NFX1: variants seen among roughly 807,000 people sequenced by gnomAD.
NFX1 encodes transcriptional repressor NF-X1.
NFX1 carries 69 observed loss-of-function variants against 137.2 expected under a neutral mutation model. That is an observed-to-expected ratio of 0.50 (90% CI 0.41 to 0.61). The LOEUF is 0.61. Among genes scored for constraint, NFX1 ranks in the 20% least tolerant of loss-of-function variants. The pLI is 0.00. For missense variants in NFX1, 1,167 were observed against 1,391.0 expected, an observed-to-expected ratio of 0.84 and a Z score of 2.56; for synonymous variants, 495 against 474.1, an observed-to-expected ratio of 1.04 and a Z score of -0.57.
In NFX1 at chr9:33,370,710, A is replaced by T. The variant is rs1397612440; in HGVS notation, c.*732A>T. 1 of 152,216 alleles carries T rather than the reference A, an allele frequency of 6.6e-6. No homozygotes were observed. Among genetic ancestry groups the T allele is most frequent in the Non-Finnish European group, 1.5e-5 (1 of 68,056 alleles). 9.4% of individuals were successfully genotyped at this position (152,216 alleles called of 1,614,324 possible). A position where few individuals can be genotyped will look rare whatever the true frequency, so the allele number is the denominator to read the frequency against. On this transcript the variant is annotated 3_prime_UTR_variant, in exon 24 of 24. Transcript: ENST00000379540. ...ACAATCAGTTTGGCCGTCCCCCATG[A>T]TGGTAGGAAATATAGAGAGCAAGTT... is the stretch of plus-strand genomic sequence containing the variant.
chr9:33,369,338 C>T (rs1304289441), intron 23 of NFX1, among the ~76,000 whole-genome samples: 1 of 152,206 alleles, frequency 6.6e-6, no homozygotes, highest in Non-Finnish European at 1.5e-5. Context: ...GCTGAGATTA[C>T]AGGCGTGAGC....
chr9:33,309,720 T>C (rs1821895339), intron 5 of NFX1, among the ~76,000 whole-genome samples: 1 of 152,220 alleles, frequency 6.6e-6, no homozygotes, highest in African/African-American at 2.4e-5. Flanking sequence ...CTTGAACTCC[T>C]GGGCTCAAGC....
At chr9:33,342,688 T>A in intron 12 of NFX1, 58 bp from the exon 13 acceptor site, 1 of 1,172,742 alleles carries the variant, frequency 8.5e-7, no homozygotes, top group Non-Finnish European at 1.2e-6. Flanking sequence ...TTGTTGTTAT[T>A]TATGGAAAAT....
In NFX1 at chr9:33,307,440, G is replaced by T. The variant is rs145501352; in HGVS notation, c.1376+141G>T. 2.1e-4 allele frequency: 138 copies of T among 670,042 alleles called. 1 individual carries two copies. The East Asian group carries it at 3.6e-3, about 18-fold the overall frequency. The allele number at this position is 670,042 out of a possible 1,614,324, so 41.5% of individuals were successfully genotyped here. Reference sequence around the variant, plus strand: ...TCAGTAAATGGTCTCAAATCACCCTGTGCCAGGCACTCTACATCAGTTAAC... The same window carrying T: ...TCAGTAAATGGTCTCAAATCACCCTTTGCCAGGCACTCTACATCAGTTAAC... On this transcript the variant is annotated intron_variant, in intron 5 of 23. Coordinates refer to ENST00000379540, the MANE Select transcript of NFX1 (RefSeq NM_002504.6).
chr9:33,336,277 G>A (rs997274253), intron 11 of NFX1, among the ~76,000 whole-genome samples: 2 of 151,954 alleles, frequency 1.3e-5, no homozygotes, highest in Non-Finnish European at 2.9e-5. Context: ...GTGCTGTGGC[G>A]CTATCTCAGC....
chr9:33,335,757 T>C (rs1822980099), intron 11 of NFX1, among the ~76,000 whole-genome samples: 1 of 152,196 alleles, frequency 6.6e-6, no homozygotes, highest in South Asian at 2.1e-4. Context: ...TCTGTATGGA[T>C]TTACTATTTT....
chr9:33,308,702 T>A (rs930849388), intron 5 of NFX1, among the ~76,000 whole-genome samples: 1 of 152,210 alleles, frequency 6.6e-6, no homozygotes, highest in Non-Finnish European at 1.5e-5. Flanking sequence ...GAAAATTAAA[T>A]GAATTAGTGC....
At position 33,319,079 on chromosome 9, in the gene NFX1, C is replaced by T. The variant is rs1173812259; in HGVS notation, c.1858C>T (p.Pro620Ser). 2 of 1,614,196 alleles carry T rather than the reference C, an allele frequency of 1.2e-6. No homozygotes were observed. Among genetic ancestry groups the T allele is most frequent in the African/African-American group, 1.3e-5 (1 of 75,062 alleles). Reference sequence around the variant, plus strand: ...TCGGAAAACATGCATGGACCCTGTGCCTTCATGTGGAAAAGTGTGCGGCAA... The same window carrying T: ...TCGGAAAACATGCATGGACCCTGTGTCTTCATGTGGAAAAGTGTGCGGCAA... ...SSRKTCMDPVPSCGKVCGKPL... is the reference protein window; with the variant it reads ...SSRKTCMDPVSSCGKVCGKPL... The change falls in exon 9 of 24, where the codon CCT (proline) becomes TCT (serine). Residue 620 changes from proline (P) to serine (S), a missense_variant. Pro to Ser is a moderately conservative substitution (Grantham distance 74, BLOSUM62 -1). Transcript: ENST00000379540.
intron 19 of NFX1, among the ~76,000 whole-genome samples, chr9:33,356,850 G>T (rs1466989308): frequency 6.6e-6 from 1 of 152,082 alleles, no homozygotes; most frequent in East Asian, 1.9e-4. Flanking sequence ...AATTAGCCAG[G>T]TGTGGTGGTG....
rs142834033 is a variant in NFX1, at chr9:33,366,640, T to C, written c.3051T>C (p.Ser1017=). Residue 1017 remains serine (S), a synonymous_variant, in exon 22 of 24, where the codon AGT becomes AGC. Transcript: ENST00000379540. The part of the protein sequence containing the change: ...LVEAVNKGKN[S]KKSHSFPPMN... The stretch of plus-strand genomic sequence containing the variant: ...TTCCCTCAATACAGGGAAAGAATAG[T>C]AAGAAAAGCCACAGCTTCCCTCCCA... 2.4e-5 allele frequency: 38 copies of C among 1,613,976 alleles called. No individual in the cohort carries two copies. Among genetic ancestry groups the C allele is most frequent in the Non-Finnish European group, 3.0e-5 (35 of 1,180,044 alleles).
At chr9:33,309,623 C>CT (rs1442179777) in intron 5 of NFX1, among the ~76,000 whole-genome samples, 1 of 152,198 alleles carries the variant, frequency 6.6e-6, no homozygotes, top group Non-Finnish European at 1.5e-5. Context: ...CTCATTTACA[C>CT]TTGTTAGGAC....
chr9:33,312,370 T>C (rs568656837), intron 6 of NFX1, among the ~76,000 whole-genome samples: 22 of 152,370 alleles, frequency 1.4e-4, no homozygotes, highest in African/African-American at 4.6e-4. Context: ...GCCATGGTGC[T>C]AGGCAGAATG....
At chr9:33,328,193 CTTTT>C (rs35183496) in intron 9 of NFX1, among the ~76,000 whole-genome samples, 1 of 140,170 alleles carries the variant, frequency 7.1e-6, no homozygotes, top group Admixed American at 7.2e-5. Flanking sequence ...TGTTTTTGTG[CTTTT>C]TTTTTTTTTG....
intron 13 of NFX1, 50 bp from the exon 14 acceptor site, chr9:33,344,019 A>T (rs769287620): frequency 1.2e-6 from 2 of 1,611,810 alleles, no homozygotes; most frequent in Non-Finnish European, 1.7e-6. Context: ...ATGTACTTGC[A>T]CATCCCAAAC....
intron 14 of NFX1, among the ~76,000 whole-genome samples, chr9:33,346,124 G>C (rs746985970): frequency 3.9e-5 from 6 of 152,134 alleles, no homozygotes; most frequent in Non-Finnish European, 7.4e-5. Context: ...GGGATCTTAG[G>C]ATAGCCCTCC....
At chr9:33,349,219 AC>A (rs1424081187) in intron 15 of NFX1, among the ~76,000 whole-genome samples, 2 of 152,200 alleles carry the variant, frequency 1.3e-5, no homozygotes, top group African/African-American at 2.4e-5. Flanking sequence ...AACGAGACTA[AC>A]CCTTGCCCTT....
At chr9:33,363,266 T>G (rs1431176985) in intron 19 of NFX1, among the ~76,000 whole-genome samples, 2 of 77,308 alleles carry the variant, frequency 2.6e-5, no homozygotes, top group Non-Finnish European at 4.6e-5. Flanking sequence ...AAGAAATGTA[T>G]TATTATTATT....
At chr9:33,314,042 G>A (rs1822062354) in intron 7 of NFX1, among the ~76,000 whole-genome samples, 1 of 151,888 alleles carries the variant, frequency 6.6e-6, no homozygotes, top group Admixed American at 6.5e-5. Context: ...GGAGTGCAGT[G>A]GCGTGATCCT....
At chr9:33,345,350 G>A (rs1040600152) in intron 14 of NFX1, among the ~76,000 whole-genome samples, 1 of 149,004 alleles carries the variant, frequency 6.7e-6, no homozygotes. Flanking sequence ...GGTGGTGGAC[G>A]CCTGTAATCC....
Sources: gnomAD v4.1 joint callset for allele counts (sites outside exome capture counted in the v4.1 genomes callset) on GRCh38, gnomAD v4.1.1 for gene constraint, MANE v1.5 for transcripts, NCBI Gene and HGNC (gene_info 2026-07-23, HGNC 2026-07-21) for gene names.